Variants in BCR observed in about 807,000 individuals in gnomAD.
BCR encodes the protein BCR activator of RhoGEF and GTPase.
Under a neutral mutation model 138.6 loss-of-function variants are expected in BCR, and 58 were observed. The ratio of observed to expected loss-of-function variants is 0.42; its 90% CI spans 0.34 to 0.52. The LOEUF (loss-of-function observed/expected upper bound fraction) is 0.52. Ranked by LOEUF, BCR falls within the 20% of genes least tolerant of loss-of-function variation. The probability of loss-of-function intolerance (pLI) is 0.06; values close to 1 mark genes in which losing one functional copy is unlikely to be tolerated. For synonymous variants in BCR, 786 were observed against 730.1 expected (o/e 1.08, Z -1.23); for missense variants, 1,599 against 1,727.2 (o/e 0.93, Z 1.32).
chr22:23,254,018 G>A, intron 2 of BCR, 38 bp downstream of exon 2: 2 of 1,578,688 alleles, frequency 1.3e-6, no homozygotes, highest in Non-Finnish European at 1.7e-6. Context: ...GGAGGGCCAG[G>A]TGAGGCTCCC....
In BCR at chr22:23,295,070, G is replaced by C; in HGVS notation, c.2927G>C (p.Cys976Ser). Residue 976 changes from cysteine (C) to serine (S), a missense_variant, in exon 16 of 23, where the codon TGC becomes TCC. This residue lies in a region of BCR where 590 missense variants were observed against 762.4 expected (regional missense o/e 0.77). Coordinates refer to ENST00000305877, the MANE Select transcript of BCR (RefSeq NM_004327.4). ...GGCTCCCAGACCCTGAGGATACTGT[G>C]CTATGAAAAGTGTTACAACAAGACG... ...LEGSQTLRIL[C>S]YEKCYNKTKI... 1 of 1,614,178 alleles carries C rather than the reference G, an allele frequency of 6.2e-7. No individual in the cohort carries two copies. Among genetic ancestry groups the C allele is most frequent in the Non-Finnish European group, 8.5e-7 (1 of 1,180,024 alleles).
Position 23,287,237 on chromosome 22 carries a change from T to A in BCR, c.2485T>A (p.Ser829Thr). The A allele has an allele frequency of 6.4e-7, 1 of 1,559,274 alleles. No individual in the cohort carries two copies. The change falls in exon 11 of 23, where the codon TCT becomes ACT. Residue 829 changes from serine to threonine, a missense_variant. Ser to Thr is a moderately conservative substitution (Grantham distance 58). This residue lies in a region of BCR where 590 missense variants were observed against 762.4 expected (regional missense o/e 0.77). Transcript: ENST00000305877. Reference sequence around the variant, plus strand: ...GCAGGAGTCACTGCTGCTGCTTATGTCTCCCAGCATGGCCTTCAGGGTGCA... The same window carrying A: ...GCAGGAGTCACTGCTGCTGCTTATGACTCCCAGCATGGCCTTCAGGGTGCA... ...SEQESLLLLM[S>T]PSMAFRVHSR...
chr22:23,214,232 G>A (rs2072722700), intron 1 of BCR, among the ~76,000 whole-genome samples: 1 of 150,828 alleles, frequency 6.6e-6, no homozygotes. Flanking sequence ...GAGGGTTAAA[G>A]TGGGAGATGG....
chr22:23,252,912 C>T lies in BCR; in HGVS notation c.1280-887C>T, dbSNP rs528807360. 1.3e-3 allele frequency among the ~76,000 whole-genome samples: 203 copies of T among 152,318 alleles called. 1 individual carries two copies. Among genetic ancestry groups the T allele is most frequent in the Non-Finnish European group, 2.4e-3 (160 of 68,026 alleles). On this transcript the variant is annotated intron_variant, in intron 1 of 22. Coordinates refer to ENST00000305877, the MANE Select transcript of BCR (RefSeq NM_004327.4). Reference sequence around the variant, plus strand: ...AATTTCAACTCAGTTTTGACATTGTCTACCTGGAGTTAGCATCAGATCCCA... The same window carrying T: ...AATTTCAACTCAGTTTTGACATTGTTTACCTGGAGTTAGCATCAGATCCCA...
intron 3 of BCR, 90 bp downstream of exon 3, chr22:23,261,144 G>A (rs1424565849): frequency 7.3e-7 from 1 of 1,373,708 alleles, no homozygotes; most frequent in South Asian, 1.2e-5. Flanking sequence ...CAGGTCAGCT[G>A]TCAGAGCCTG....
At chr22:23,260,927 A>G in intron 2 of BCR, 23 bp from the exon 3 acceptor site, 2 of 1,608,562 alleles carry the variant, frequency 1.2e-6, no homozygotes, top group Non-Finnish European at 1.7e-6. Flanking sequence ...TTCCAGGCTG[A>G]CTTCTGTCTA....
intron 1 of BCR, among the ~76,000 whole-genome samples, chr22:23,206,572 G>A (rs1448753009): frequency 2.1e-5 from 3 of 140,344 alleles, no homozygotes; most frequent in African/African-American, 3.0e-5. Context: ...GCGAGACTCC[G>A]TCTCAAAAAA....
At chr22:23,221,629 G>C (rs1405303947) in intron 1 of BCR, among the ~76,000 whole-genome samples, 1 of 152,234 alleles carries the variant, frequency 6.6e-6, no homozygotes, top group Non-Finnish European at 1.5e-5. Context: ...TGCTGGCTCT[G>C]ATTAGGTCTG....
chr22:23,189,344 C>T (rs974904522), intron 1 of BCR, among the ~76,000 whole-genome samples: 3 of 152,116 alleles, frequency 2.0e-5, no homozygotes, highest in East Asian at 1.9e-4. Context: ...CCCCAGCTCC[C>T]GGAAGCCACC....
intron 16 of BCR, among the ~76,000 whole-genome samples, chr22:23,296,580 C>T (rs2073847916): frequency 1.3e-5 from 2 of 152,136 alleles, no homozygotes; most frequent in Admixed American, 1.3e-4. Context: ...GCCTGTTTTT[C>T]TGCCTTGGAA....
At chr22:23,315,184 A>G (rs2074055378) in intron 22 of BCR, among the ~76,000 whole-genome samples, 1 of 152,094 alleles carries the variant, frequency 6.6e-6, no homozygotes, top group African/African-American at 2.4e-5. Flanking sequence ...TGATGGAGCC[A>G]CTGTACTCCA....
chr22:23,241,127 G>A (rs749401128), intron 1 of BCR, among the ~76,000 whole-genome samples: 10 of 152,332 alleles, frequency 6.6e-5, no homozygotes, highest in South Asian at 2.1e-4. Context: ...TGTGGATGGC[G>A]CTGCTGGGAA....
chr22:23,260,428 C>A (rs1241665836), intron 2 of BCR, among the ~76,000 whole-genome samples: 1 of 152,178 alleles, frequency 6.6e-6, no homozygotes. Context: ...GGGAGGGCAT[C>A]TGGAGAAGGC....
chr22:23,198,786 C>A (rs544418197), intron 1 of BCR, among the ~76,000 whole-genome samples: 1 of 152,214 alleles, frequency 6.6e-6, no homozygotes, highest in African/African-American at 2.4e-5. Context: ...ATGGGCCCGC[C>A]CTTGTTCCCT....
intron 16 of BCR, among the ~76,000 whole-genome samples, chr22:23,295,549 C>G (rs1056446802): frequency 6.6e-6 from 1 of 152,032 alleles, no homozygotes; most frequent in Non-Finnish European, 1.5e-5. Context: ...CCTGCAAGCA[C>G]AGGGGTCCCA....
rs188907405 is a variant in BCR, at chr22:23,239,616, G to A, written c.1280-14183G>A. On this transcript the variant is annotated intron_variant, in intron 1 of 22. Coordinates refer to ENST00000305877, the MANE Select transcript of BCR (RefSeq NM_004327.4). ...TGAGCTCCACAATGACTTCATTCAT[G>A]TAATAGTATGTTATGGCTGCGTAAC... Among the ~76,000 whole-genome samples the A allele has an allele frequency of 1.4e-4, 21 of 152,298 alleles. No homozygotes were observed. In the East Asian group the frequency reaches 3.7e-3, roughly 27 times the overall value.
chr22:23,206,937 TCATTCCTC>T (rs761379727), intron 1 of BCR, among the ~76,000 whole-genome samples: 17,515 of 50,116 alleles, frequency 0.35, 1,783 homozygotes, highest in East Asian at 0.53. Context: ...TGTCATCCAT[TCATTCCTC>T]CCTCCCTCCC....
chr22:23,314,008 C>T lies in BCR; in HGVS notation c.3498C>T (p.Asn1166=). 1 of 1,614,058 alleles carries T rather than the reference C, an allele frequency of 6.2e-7. No individual in the cohort carries two copies. The highest frequency in any genetic ancestry group is 8.5e-7 in the Non-Finnish European group (1 of 1,180,022). ...TTGCAAAGGAGAGCTGCATGCTCAA[C>T]CTGCTGCTGTCCCTGCCGGAGGCCA... ...DPVAKESCML[N]LLLSLPEANL... is the part of the protein sequence containing the mutation. Residue 1166 remains asparagine, a synonymous_variant, in exon 21 of 23, where the codon AAC becomes AAT. Coordinates refer to ENST00000305877, the MANE Select transcript of BCR (RefSeq NM_004327.4).
At chr22:23,211,138 A>G (rs2072676354) in intron 1 of BCR, among the ~76,000 whole-genome samples, 1 of 152,214 alleles carries the variant, frequency 6.6e-6, no homozygotes, top group Middle Eastern at 3.2e-3. Context: ...TGGGCTTTTC[A>G]TAAATGGGAT....
Sources: gnomAD v4.1 joint callset for allele counts (sites outside exome capture counted in the v4.1 genomes callset) on GRCh38, gnomAD v4.1.1 for gene constraint, gnomAD v4.1.1 regional missense constraint, MANE v1.5 for transcripts, NCBI Gene and HGNC (gene_info 2026-07-23, HGNC 2026-07-21) for gene names.